NDST3: variants seen among roughly 807,000 people sequenced by gnomAD.
The protein encoded by NDST3 is bifunctional heparan sulfate N-deacetylase/N-sulfotransferase 3.
NDST3 carries 58 observed loss-of-function variants against 96.1 expected under a neutral mutation model. The ratio of observed to expected loss-of-function variants is 0.60; its 90% CI spans 0.49 to 0.75. NDST3 has a LOEUF of 0.75. NDST3 is among the 30% of genes least tolerant of loss of function. The pLI is 0.00. For synonymous variants in NDST3, 333 were observed against 359.7 expected (o/e 0.93, Z 0.84); for missense variants, 788 against 1,034.2 (o/e 0.76, Z 3.27).
chr4:118,064,428 A>G (rs1420865543), intron 2 of NDST3, among the ~76,000 whole-genome samples: 1 of 152,132 alleles, frequency 6.6e-6, no homozygotes, highest in East Asian at 1.9e-4. Flanking sequence ...GGATCTTAAA[A>G]TCATGATGTT....
intron 6 of NDST3, among the ~76,000 whole-genome samples, chr4:118,222,562 T>C (rs1739621236): frequency 6.6e-6 from 1 of 152,054 alleles, no homozygotes; most frequent in African/African-American, 2.4e-5. Context: ...CTTTAGCTTA[T>C]GGTGCACCTT....
chr4:118,173,502 A>G (rs1736090101), intron 6 of NDST3, among the ~76,000 whole-genome samples: 1 of 152,100 alleles, frequency 6.6e-6, no homozygotes, highest in Non-Finnish European at 1.5e-5. Flanking sequence ...AGCAATAGCA[A>G]TGGGGAATGA....
At chr4:118,250,487 C>CT (rs775929321) in intron 12 of NDST3, among the ~76,000 whole-genome samples, 7,652 of 143,822 alleles carry the variant, frequency 0.053, 350 homozygotes, top group African/African-American at 0.13. Flanking sequence ...CTGTTCCAAT[C>CT]TTTTTTTTTT....
intron 6 of NDST3, among the ~76,000 whole-genome samples, chr4:118,197,761 G>A (rs1048254542): frequency 6.7e-6 from 1 of 148,834 alleles, no homozygotes; most frequent in African/African-American, 2.5e-5. Context: ...GGGGTTTTTT[G>A]GTGTGTTTTG....
rs142408952 is a variant in NDST3, at chr4:118,140,007, C to G, written c.1410+1768C>G. On this transcript the variant is annotated intron_variant, in intron 5 of 13. Transcript: ENST00000296499. Reference sequence around the variant, plus strand: ...TTCTAAAATGCTGCCTTTATCCTGGCCTTCCTAACCTTGATTAGTTCCAGT... The same window carrying G: ...TTCTAAAATGCTGCCTTTATCCTGGGCTTCCTAACCTTGATTAGTTCCAGT... 2.9e-3 allele frequency among the ~76,000 whole-genome samples: 441 copies of G among 152,262 alleles called. 1 individual carries two copies. The highest frequency in any genetic ancestry group is 1.0e-2 in the African/African-American group (414 of 41,552).
intron 4 of NDST3, among the ~76,000 whole-genome samples, chr4:118,133,946 A>T (rs1560667713): frequency 1.3e-5 from 2 of 152,216 alleles, no homozygotes; most frequent in African/African-American, 4.8e-5. Flanking sequence ...AAAAAGAGAG[A>T]TATTACATAA....
At chr4:118,062,308 T>C (rs1456675968) in intron 2 of NDST3, among the ~76,000 whole-genome samples, 1 of 152,160 alleles carries the variant, frequency 6.6e-6, no homozygotes, top group African/African-American at 2.4e-5. Context: ...CCCTCATATA[T>C]ATCCATTGCT....
Position 118,114,975 on chromosome 4 carries a change from T to G in NDST3, c.1224+15T>G. On this transcript the variant is annotated intron_variant, in intron 4 of 13. Transcript: ENST00000296499. ...AATTTGCCTTAGTAAGTAACTCACT[T>G]TGTTGCATTGAAGTAGTGTACACTG... The G allele has an allele frequency of 6.2e-7, 1 of 1,613,136 alleles. No individual in the cohort carries two copies. Among genetic ancestry groups the G allele is most frequent in the Non-Finnish European group, 8.5e-7 (1 of 1,179,154 alleles).
At chr4:118,080,963 A>G (rs1727960230) in intron 2 of NDST3, among the ~76,000 whole-genome samples, 1 of 152,202 alleles carries the variant, frequency 6.6e-6, no homozygotes, top group Non-Finnish European at 1.5e-5. Flanking sequence ...CTACTGCACA[A>G]GGAAGGGGTG....
At chr4:118,238,155 A>AAAAGAAAGAAAGAAAG (rs552263074) in intron 10 of NDST3, among the ~76,000 whole-genome samples, 1 of 91,198 alleles carries the variant, frequency 1.1e-5, no homozygotes, top group Non-Finnish European at 2.3e-5. Context: ...GAAAAGAAAG[A>AAAAGAAAGAAAGAAAG]AAAGAAAGAA....
At chr4:118,159,333 C>T (rs1364801873) in intron 6 of NDST3, among the ~76,000 whole-genome samples, 1 of 152,140 alleles carries the variant, frequency 6.6e-6, no homozygotes, top group East Asian at 1.9e-4. Flanking sequence ...GGAAGAAAAT[C>T]AACCAGTAAA....
chr4:118,157,422 G>GT (rs1306965867), intron 6 of NDST3, among the ~76,000 whole-genome samples: 107 of 105,678 alleles, frequency 1.0e-3, no homozygotes, highest in African/African-American at 3.1e-3. Context: ...ACACAGTTTT[G>GT]TTTTTGTTTT....
intron 2 of NDST3, among the ~76,000 whole-genome samples, chr4:118,082,845 G>A (rs1475492876): frequency 6.6e-6 from 1 of 152,130 alleles, no homozygotes; most frequent in Non-Finnish European, 1.5e-5. Flanking sequence ...AAGCATGGCT[G>A]GGGAGGCCTC....
chr4:118,209,140 G>C (rs1050395504), intron 6 of NDST3, among the ~76,000 whole-genome samples: 5 of 152,152 alleles, frequency 3.3e-5, no homozygotes, highest in Non-Finnish European at 5.9e-5. Flanking sequence ...TTATATTGTG[G>C]AGGGAGTGAT....
At chr4:118,175,804 C>T (rs1014150241) in intron 6 of NDST3, among the ~76,000 whole-genome samples, 2 of 152,128 alleles carry the variant, frequency 1.3e-5, no homozygotes, top group Non-Finnish European at 2.9e-5. Context: ...CCCACTAAAA[C>T]AGGCATTTCA....
chr4:118,134,303 C>T (rs764521230), intron 4 of NDST3, among the ~76,000 whole-genome samples: 1 of 152,090 alleles, frequency 6.6e-6, no homozygotes, highest in Non-Finnish European at 1.5e-5. Flanking sequence ...GCAGCGCTTG[C>T]GATCATGCTA....
chr4:118,253,318 C>T (rs1741876844), intron 12 of NDST3, among the ~76,000 whole-genome samples, 181 bp from the exon 13 acceptor site: 1 of 152,004 alleles, frequency 6.6e-6, no homozygotes, highest in African/African-American at 2.4e-5. Flanking sequence ...TAGAAGTATG[C>T]CAAAAGACTT....
chr4:118,229,287 T>G (rs1477558156), intron 8 of NDST3, among the ~76,000 whole-genome samples: 1 of 152,118 alleles, frequency 6.6e-6, no homozygotes, highest in African/African-American at 2.4e-5. Flanking sequence ...GACAACAGAG[T>G]GGACTCCATC....
At chr4:118,213,210 C>T (rs1738922162) in intron 6 of NDST3, among the ~76,000 whole-genome samples, 1 of 152,184 alleles carries the variant, frequency 6.6e-6, no homozygotes, top group Admixed American at 6.5e-5. Flanking sequence ...ACAGCTCGAA[C>T]ATAAATTGTC....
Sources: allele counts gnomAD v4.1 joint callset (sites outside exome capture counted in the v4.1 genomes callset), GRCh38; gene constraint gnomAD v4.1.1; transcripts MANE v1.5; gene names NCBI Gene and HGNC (gene_info 2026-07-23, HGNC 2026-07-21).